The following YY1 variants were observed in gnomAD, a reference collection of about 807,000 sequenced individuals.
The protein encoded by YY1 is YY1 transcription factor, also known as transcriptional repressor protein YY1.
Under a neutral mutation model 35.6 loss-of-function variants are expected in YY1, and 2 were observed. The observed-to-expected ratio is 0.06, with a 90% CI of 0.02 to 0.18. The LOEUF (loss-of-function observed/expected upper bound fraction) is 0.18. Ranked by LOEUF, YY1 falls within the 10% of genes least tolerant of loss-of-function variation. YY1 has a pLI of 1.00. For missense variants in YY1, 322 were observed against 573.4 expected (o/e 0.56, Z 4.48); for synonymous variants, 268 against 238.9 (o/e 1.12, Z -1.12).
chr14:100,279,238 C>G lies in YY1; in HGVS notation c.*1638C>G, dbSNP rs1280538121. On this transcript the variant is annotated 3_prime_UTR_variant, in exon 5 of 5. Transcript: ENST00000262238. ...AAGTGCAAACATACTGTGTGTCTTT[C>G]TGTTTTGTGTATGCTTGACTGCAAG... The G allele has an allele frequency of 6.6e-6, 1 of 152,206 alleles. No individual in the cohort carries two copies. The highest frequency in any genetic ancestry group is 1.5e-5 in the Non-Finnish European group (1 of 68,038). 9.4% of individuals were successfully genotyped at this position (152,206 alleles called of 1,614,324 possible).
intron 1 of YY1, among the ~76,000 whole-genome samples, chr14:100,240,901 C>A (rs902607465): frequency 6.6e-6 from 1 of 151,968 alleles, no homozygotes; most frequent in African/African-American, 2.4e-5. Context: ...TAATTTTAAG[C>A]CTTTATGGTT....
rs1467462564 is a variant in YY1 at position 100,278,401 on chromosome 14, C to T, written c.*801C>T. ...GTGCTCAGTTGTAGAATGTATTGTA[C>T]CTTTTAACACCTGATGTGTACATCC... is the stretch of plus-strand genomic sequence containing the variant. On this transcript the variant is annotated 3_prime_UTR_variant, in exon 5 of 5. Transcript: ENST00000262238. 6.6e-6 allele frequency: 1 copy of T among 152,534 alleles called. No individual in the cohort carries two copies. Among genetic ancestry groups the T allele is most frequent in the East Asian group, 1.9e-4 (1 of 5,198 alleles). 9.4% of individuals were successfully genotyped at this position (152,534 alleles called of 1,614,324 possible). A position where few individuals can be genotyped will look rare whatever the true frequency, so the allele number is the denominator to read the frequency against.
At chr14:100,271,098 T>C (rs921908732) in intron 2 of YY1, among the ~76,000 whole-genome samples, 3 of 151,918 alleles carry the variant, frequency 2.0e-5, no homozygotes, top group African/African-American at 4.8e-5. Context: ...ATACAAAATA[T>C]TAGCCGGGCA....
intron 1 of YY1, among the ~76,000 whole-genome samples, chr14:100,258,738 A>G (rs763567792): frequency 5.9e-5 from 9 of 152,234 alleles, no homozygotes; most frequent in Non-Finnish European, 1.0e-4. Context: ...TCTCCTCAGT[A>G]AAATGAAAAA....
chr14:100,274,175 T>C (rs1276824249), intron 2 of YY1, among the ~76,000 whole-genome samples: 1 of 152,208 alleles, frequency 6.6e-6, no homozygotes, highest in Non-Finnish European at 1.5e-5. Flanking sequence ...TTTAAAATGA[T>C]ATATTTTAAA....
intron 1 of YY1, among the ~76,000 whole-genome samples, 156 bp from the exon 2 acceptor site, chr14:100,262,148 G>A (rs190842795): frequency 2.4e-4 from 37 of 151,282 alleles, no homozygotes; most frequent in Non-Finnish European, 4.6e-4. Context: ...GGGTGACAGA[G>A]TGAGACCGTT....
intron 1 of YY1, among the ~76,000 whole-genome samples, chr14:100,240,261 CG>C (rs1890711649): frequency 1.0e-5 from 1 of 96,684 alleles, no homozygotes; most frequent in Non-Finnish European, 2.5e-5. Flanking sequence ...CCCGCATCAA[CG>C]GGCGCGCCCG....
chr14:100,254,858 C>T (rs748082081), intron 1 of YY1, among the ~76,000 whole-genome samples: 9 of 150,140 alleles, frequency 6.0e-5, no homozygotes, highest in East Asian at 3.9e-4. Flanking sequence ...CTGCAACCTC[C>T]GCCTCCTGGG....
At chr14:100,244,108 C>CA (rs996921204) in intron 1 of YY1, among the ~76,000 whole-genome samples, 5,012 of 110,918 alleles carry the variant, frequency 0.045, 131 homozygotes, top group Non-Finnish European at 0.066. Flanking sequence ...ACTCCGTCTC[C>CA]AAAAAAAAAA....
chr14:100,268,869 C>T (rs898816542), intron 2 of YY1, among the ~76,000 whole-genome samples: 10 of 152,276 alleles, frequency 6.6e-5, no homozygotes, highest in Admixed American at 1.3e-4. Flanking sequence ...ATTAAAGAGT[C>T]ACTTGTCCAA....
intron 1 of YY1, among the ~76,000 whole-genome samples, chr14:100,244,176 A>G (rs1223032660): frequency 6.6e-6 from 1 of 151,882 alleles, no homozygotes; most frequent in African/African-American, 2.4e-5. Context: ...TTTTGCGCAC[A>G]TGCCATGTTC....
In YY1 at chr14:100,277,035, T is replaced by C. The variant is rs1001324954; in HGVS notation, c.1063-383T>C. On this transcript the variant is annotated intron_variant, in intron 4 of 4. Transcript: ENST00000262238. The surrounding 1 kb of genome is among the most constrained non-coding windows in gnomAD (Gnocchi z 5.6). ...TAGAGTGTAAGTATAGGTAATACTT[T>C]AGCCCATAAATAAGTGAAAGAACTA... 4 of 414,102 alleles carry C rather than the reference T, an allele frequency of 9.7e-6. No homozygotes were observed. The highest frequency in any genetic ancestry group is 7.5e-5 in the South Asian group (3 of 39,768). 25.7% of individuals were successfully genotyped at this position (414,102 alleles called of 1,614,324 possible).
rs144494383 is a variant in YY1, at chr14:100,261,836, G to A, written c.680-468G>A. 5.6e-4 allele frequency among the ~76,000 whole-genome samples: 86 copies of A among 152,280 alleles called. No homozygotes were observed. In the East Asian group the frequency reaches 0.013, roughly 24 times the overall value. On this transcript the variant is annotated intron_variant, in intron 1 of 4. Coordinates refer to ENST00000262238, the MANE Select transcript of YY1 (RefSeq NM_003403.5). ...ACTGAATTGGTAGTTGCCAGGAAAT[G>A]TGTGTGGTGTGAGTGAAAAGCCGAA...
At position 100,276,764 on chromosome 14, in the gene YY1, C is replaced by A; in HGVS notation, c.1062+116C>A. The A allele has an allele frequency of 6.6e-7, 1 of 1,509,186 alleles. No homozygotes were observed. The highest frequency in any genetic ancestry group is 1.2e-5 in the South Asian group (1 of 86,652). The allele number at this position is 1,509,186 out of a possible 1,614,324, so 93.5% of individuals were successfully genotyped here. On this transcript the variant is annotated intron_variant, in intron 4 of 4. Coordinates refer to ENST00000262238, the MANE Select transcript of YY1 (RefSeq NM_003403.5). This position sits in a 1 kb window ranked among gnomAD's most constrained non-coding sequence, Gnocchi z 4.1. ...CCCAGAGACTCAGGGTCTTATTACTCCTTGGTGAGAAACAAAACTTCTCCT... is the reference window on the plus strand; with the variant it reads ...CCCAGAGACTCAGGGTCTTATTACTACTTGGTGAGAAACAAAACTTCTCCT...
intron 2 of YY1, among the ~76,000 whole-genome samples, chr14:100,274,361 T>C (rs2139602244): frequency 6.6e-6 from 1 of 152,272 alleles, no homozygotes; most frequent in East Asian, 1.9e-4. Flanking sequence ...GAGTTGATTT[T>C]TTGTGTTTTT....
intron 1 of YY1, among the ~76,000 whole-genome samples, chr14:100,241,986 G>C (rs1890752043): frequency 6.7e-6 from 1 of 149,518 alleles, no homozygotes; most frequent in Admixed American, 6.7e-5. Context: ...AAAGGGGGGG[G>C]GGGGCATTTT....
chr14:100,270,494 G>A (rs1262687789), intron 2 of YY1, among the ~76,000 whole-genome samples: 3 of 148,590 alleles, frequency 2.0e-5, no homozygotes, highest in South Asian at 2.1e-4. Flanking sequence ...ATGGTGGCAC[G>A]CGCCTGTAAT....
intron 1 of YY1, among the ~76,000 whole-genome samples, chr14:100,240,753 G>A (rs1475960770): frequency 6.6e-6 from 1 of 152,178 alleles, no homozygotes; most frequent in African/African-American, 2.4e-5. Flanking sequence ...AAGGGCCTGT[G>A]AATGTTAGCG....
At chr14:100,275,268 T>C (rs1478131161) in intron 3 of YY1, among the ~76,000 whole-genome samples, 1 of 152,218 alleles carries the variant, frequency 6.6e-6, no homozygotes, top group Non-Finnish European at 1.5e-5. Flanking sequence ...TCAAACTTAA[T>C]TGGATATGAG....
Sources: allele counts gnomAD v4.1 joint callset (sites outside exome capture counted in the v4.1 genomes callset), GRCh38; gene constraint gnomAD v4.1.1; non-coding constraint Gnocchi (gnomAD v3.1); transcripts MANE v1.5; gene names NCBI Gene and HGNC (gene_info 2026-07-23, HGNC 2026-07-21).